The following MYH11 variants were observed in gnomAD, a reference collection of about 807,000 sequenced individuals.
The protein encoded by MYH11 is myosin-11.
Under a neutral mutation model 246.6 loss-of-function variants are expected in MYH11, and 80 were observed. The ratio of observed to expected loss-of-function variants is 0.32; its 90% CI spans 0.27 to 0.39. The LOEUF (loss-of-function observed/expected upper bound fraction) is 0.39. MYH11 is among the 10% of genes least tolerant of loss of function. MYH11 has a pLI of 1.00. For synonymous variants in MYH11, 1,071 were observed against 1,015.5 expected (o/e 1.05, Z -1.04); for missense variants, 2,158 against 2,546.8 (o/e 0.85, Z 3.29).
chr16:15,827,204 C>A (rs1383186088), intron 2 of MYH11, among the ~76,000 whole-genome samples: 3 of 152,012 alleles, frequency 2.0e-5, no homozygotes, highest in African/African-American at 7.2e-5. Flanking sequence ...GAACTTAAAT[C>A]AGAGGGGGAG....
Position 15,724,424 on chromosome 16 carries a change from T to A in MYH11, c.4117-15A>T. The A allele has an allele frequency of 6.2e-7, 1 of 1,613,546 alleles. No individual in the cohort carries two copies. The highest frequency in any genetic ancestry group is 8.5e-7 in the Non-Finnish European group (1 of 1,180,016). On this transcript the variant is annotated splice_polypyrimidine_tract_variant and intron_variant, in intron 30 of 40. Coordinates refer to ENST00000300036, the MANE Select transcript of MYH11 (RefSeq NM_002474.3). Reference sequence around the variant, plus strand: ...GAGTCGGAGAGCTACAAGGACAGCGTCCAGGGTAGGGTGAGAGGGGGACCA... The same window carrying A: ...GAGTCGGAGAGCTACAAGGACAGCGACCAGGGTAGGGTGAGAGGGGGACCA...
At chr16:15,756,860 G>A in intron 13 of MYH11, among the ~76,000 whole-genome samples, 1 of 145,640 alleles carries the variant, frequency 6.9e-6, no homozygotes, top group African/African-American at 2.6e-5. Context: ...GTGCAGTGGC[G>A]CGATCTCGAC....
chr16:15,782,561 C>G, intron 5 of MYH11, 84 bp from the exon 6 acceptor site: 1 of 1,084,936 alleles, frequency 9.2e-7, no homozygotes, highest in Non-Finnish European at 1.4e-6. Flanking sequence ...TCACAAAACT[C>G]TGCCCTTAAC....
chr16:15,747,300 C>T (rs1244429926), intron 19 of MYH11, among the ~76,000 whole-genome samples: 1 of 152,084 alleles, frequency 6.6e-6, no homozygotes, highest in Admixed American at 6.6e-5. Context: ...ACTGGAAGCT[C>T]AGAGAGGTAG....
chr16:15,815,249 TG>T (rs1325488433), intron 3 of MYH11, among the ~76,000 whole-genome samples: 2 of 152,110 alleles, frequency 1.3e-5, no homozygotes, highest in Non-Finnish European at 2.9e-5. Context: ...TCCACTAATA[TG>T]ACAGACAGAA....
In MYH11 at chr16:15,724,485, G is replaced by T. The variant is rs906619524; in HGVS notation, c.4117-76C>A. ...CTGTCCCTGGCCCCACAGACTCTGA[G>T]AAGCGAAGACCATGTCTCCTCGTTG... On this transcript the variant is annotated intron_variant, in intron 30 of 40. Transcript: ENST00000300036. 17 of 1,609,236 alleles carry T rather than the reference G, an allele frequency of 1.1e-5. No individual in the cohort carries two copies. In the Admixed American group the frequency reaches 2.0e-4, roughly 19 times the overall value.
At chr16:15,819,944 T>A (rs1314852727) in intron 3 of MYH11, among the ~76,000 whole-genome samples, 1 of 152,116 alleles carries the variant, frequency 6.6e-6, no homozygotes, top group Non-Finnish European at 1.5e-5. Flanking sequence ...TGCCAATTAT[T>A]GGGTATCAAT....
At chr16:15,793,615 CTTTTTT>C (rs572455483) in intron 4 of MYH11, among the ~76,000 whole-genome samples, 3 of 93,788 alleles carry the variant, frequency 3.2e-5, no homozygotes, top group Admixed American at 1.2e-4. Flanking sequence ...CTTTTCTTTT[CTTTTTT>C]TTTTTTTTTT....
At chr16:15,745,382 A>T (rs1289475462) in intron 19 of MYH11, 145 bp from the exon 20 acceptor site, 1 of 621,364 alleles carries the variant, frequency 1.6e-6, no homozygotes, top group African/African-American at 1.8e-5. Flanking sequence ...TGTGTGACAC[A>T]TGTGTTGTCT....
intron 32 of MYH11, 88 bp from the exon 33 acceptor site, chr16:15,721,139 T>C: frequency 6.9e-7 from 1 of 1,446,736 alleles, no homozygotes; most frequent in Non-Finnish European, 9.6e-7. Flanking sequence ...CCTCAGGAGA[T>C]CAGGGAGGTG....
chr16:15,828,122 T>C (rs1596914580), intron 2 of MYH11, among the ~76,000 whole-genome samples: 2 of 152,222 alleles, frequency 1.3e-5, no homozygotes, highest in Non-Finnish European at 1.5e-5. Context: ...ACCTTCACTT[T>C]GCTACTTCTT....
At chr16:15,798,739 T>G in intron 3 of MYH11, 52 bp from the exon 4 acceptor site, 1 of 1,585,064 alleles carries the variant, frequency 6.3e-7, no homozygotes, top group African/African-American at 1.4e-5. Context: ...AGCTCTGAGC[T>G]AAGGGTCTGG....
chr16:15,771,113 G>T (rs78899591), intron 9 of MYH11, among the ~76,000 whole-genome samples: 21,786 of 151,682 alleles, frequency 0.14, 1,976 homozygotes, highest in South Asian at 0.32. Flanking sequence ...TCCCACCTCA[G>T]CCTCCTGAGT....
At chr16:15,717,379 A>T in intron 37 of MYH11, 31 bp from the exon 38 acceptor site, 4 of 1,600,794 alleles carry the variant, frequency 2.5e-6, no homozygotes, top group Non-Finnish European at 2.5e-6. Flanking sequence ...CATGAGGCGG[A>T]CTCAGGGAAG....
chr16:15,786,462 T>G (rs1404135556), intron 5 of MYH11, 168 bp downstream of exon 5: 1 of 791,914 alleles, frequency 1.3e-6, no homozygotes, highest in Admixed American at 1.7e-5. Flanking sequence ...TCACCCACAC[T>G]CAACAGGCCT....
intron 1 of MYH11, among the ~76,000 whole-genome samples, chr16:15,842,310 C>T (rs1052750373): frequency 6.6e-5 from 10 of 152,016 alleles, no homozygotes; most frequent in East Asian, 3.9e-4. Flanking sequence ...CACTTGAACC[C>T]GGGAGGTGGA....
intron 34 of MYH11, 62 bp downstream of exon 34, chr16:15,720,089 G>C: frequency 6.2e-7 from 1 of 1,608,652 alleles, no homozygotes; most frequent in Non-Finnish European, 8.5e-7. Flanking sequence ...TGCTGACTTC[G>C]GTGGCCTGAG....
At chr16:15,828,745 A>T (rs2043640257) in intron 2 of MYH11, among the ~76,000 whole-genome samples, 1 of 150,548 alleles carries the variant, frequency 6.6e-6, no homozygotes, top group Non-Finnish European at 1.5e-5. Context: ...GTGAGCTGAG[A>T]TCATGGTGCT....
Position 15,838,266 on chromosome 16 carries a change from T to A in MYH11, c.-14A>T, listed in dbSNP as rs1555459265. 1.9e-6 allele frequency: 3 copies of A among 1,613,100 alleles called. No homozygotes were observed. The highest frequency in any genetic ancestry group is 2.5e-6 in the Non-Finnish European group (3 of 1,179,326). On this transcript the variant is annotated 5_prime_UTR_variant, in exon 2 of 41. Transcript: ENST00000300036. ...CTTCTGCGCCATGGTGCCTTGTTGG[T>A]CCCCTGTGGAATAAGGTAACAGGGT...
Sources: gnomAD v4.1 joint callset for allele counts (sites outside exome capture counted in the v4.1 genomes callset) on GRCh38, gnomAD v4.1.1 for gene constraint, MANE v1.5 for transcripts, NCBI Gene and HGNC (gene_info 2026-07-23, HGNC 2026-07-21) for gene names.